The following ANKS1B variants were observed in gnomAD, a reference collection of about 807,000 sequenced individuals.
ANKS1B encodes the protein ankyrin repeat and sterile alpha motif domain containing 1B.
A neutral mutation model predicts 148.3 loss-of-function variants in ANKS1B; 36 were observed. The observed-to-expected ratio is 0.24, with a 90% CI of 0.19 to 0.32. The LOEUF is 0.32. Ranked by LOEUF, ANKS1B falls within the 10% of genes least tolerant of loss-of-function variation. ANKS1B has a pLI of 1.00. For missense variants in ANKS1B, 1,157 were observed against 1,542.6 expected (o/e 0.75, Z 4.19); for synonymous variants, 542 against 560.8 (o/e 0.97, Z 0.47).
In ANKS1B at chr12:99,608,610, AAATGCCAAAGATATCAGGGAGCTC is replaced by A. The variant is rs1435798015; in HGVS notation, c.1272+46433_1272+46456del. 2.0e-5 allele frequency among the ~76,000 whole-genome samples: 3 copies of A among 152,166 alleles called. No individual in the cohort carries two copies. The East Asian group carries it at 5.8e-4, about 29-fold the overall frequency. Reference sequence around the variant, plus strand: ...AGCACAAACTAACCCTTGGTACCCCAAATGCCAAAGATATCAGGGAGCTCAATGCCAAAGAGAACAGAGGTCCAG... The same window carrying A: ...AGCACAAACTAACCCTTGGTACCCCAAATGCCAAAGAGAACAGAGGTCCAG... On this transcript the variant is annotated intron_variant, in intron 9 of 26. Coordinates refer to ENST00000683438, the MANE Select transcript of ANKS1B (RefSeq NM_001352186.2).
Position 99,696,291 on chromosome 12 carries a change from A to C in ANKS1B, c.1129-41081T>G, listed in dbSNP as rs116867104. Among the ~76,000 whole-genome samples the C allele has an allele frequency of 9.9e-3, 1,515 of 152,320 alleles. 11 individuals are homozygous for C. The highest frequency in any genetic ancestry group is 0.016 in the Non-Finnish European group (1,077 of 68,026). Reference sequence around the variant, plus strand: ...TTATGGAGTCTACGATATATTGTTAAGTGAAAAACAAAAGCTTCATATCAT... The same window carrying C: ...TTATGGAGTCTACGATATATTGTTACGTGAAAAACAAAAGCTTCATATCAT... On this transcript the variant is annotated intron_variant, in intron 8 of 26. Coordinates refer to ENST00000683438, the MANE Select transcript of ANKS1B (RefSeq NM_001352186.2).
intron 9 of ANKS1B, among the ~76,000 whole-genome samples, chr12:99,582,956 C>T (rs1044880830): frequency 6.6e-6 from 1 of 151,948 alleles, no homozygotes; most frequent in African/African-American, 2.4e-5. Context: ...AATACCTGTC[C>T]CCCTTTGGTG....
Position 99,399,617 on chromosome 12 carries a change from G to A in ANKS1B, c.1756+14C>T, listed in dbSNP as rs755359639. On this transcript the variant is annotated intron_variant, in intron 12 of 26. Transcript: ENST00000683438. ...TAAAATAAAAATACAGCTGCATAAA[G>A]TGAACTGCTTTACCTGTATGGTTAG... 8 of 1,609,518 alleles carry A rather than the reference G, an allele frequency of 5.0e-6. No homozygotes were observed. The highest frequency in any genetic ancestry group is 5.9e-6 in the Non-Finnish European group (7 of 1,177,642).
chr12:99,193,161 C>A (rs1051219062), intron 14 of ANKS1B, among the ~76,000 whole-genome samples: 1 of 152,186 alleles, frequency 6.6e-6, no homozygotes, highest in African/African-American at 2.4e-5. Context: ...ATTCCTTGTA[C>A]ATAACAGCTA....
At chr12:99,926,736 A>C (rs1321763632) in intron 1 of ANKS1B, among the ~76,000 whole-genome samples, 1 of 152,144 alleles carries the variant, frequency 6.6e-6, no homozygotes, top group Admixed American at 6.5e-5. Flanking sequence ...CCTAATACAC[A>C]CTGCAAATGA....
chr12:99,150,688 T>C (rs1004174940), intron 15 of ANKS1B, among the ~76,000 whole-genome samples: 2 of 151,966 alleles, frequency 1.3e-5, no homozygotes, highest in Non-Finnish European at 2.9e-5. Flanking sequence ...AGCATGCACA[T>C]TTTGTATAGT....
intron 9 of ANKS1B, among the ~76,000 whole-genome samples, chr12:99,510,577 G>A (rs1169322362): frequency 1.3e-5 from 2 of 152,056 alleles, no homozygotes; most frequent in African/African-American, 4.8e-5. Context: ...TTGAATGGAT[G>A]AGGAGTTGCT....
chr12:99,785,473 G>A (rs765377604), intron 4 of ANKS1B, among the ~76,000 whole-genome samples: 3 of 150,336 alleles, frequency 2.0e-5, no homozygotes, highest in Non-Finnish European at 4.4e-5. Context: ...TTGCTCTCTC[G>A]CCCAGGCTGG....
intron 8 of ANKS1B, among the ~76,000 whole-genome samples, chr12:99,695,167 C>A (rs1017485044): frequency 6.6e-6 from 1 of 151,388 alleles, no homozygotes; most frequent in African/African-American, 2.4e-5. Flanking sequence ...TCAGGAAATC[C>A]CTAAATTCAG....
At position 99,553,562 on chromosome 12, in the gene ANKS1B, G is replaced by A. The variant is rs550007862; in HGVS notation, c.1273-48921C>T. Among the ~76,000 whole-genome samples, 20 of 152,260 alleles carry A rather than the reference G, an allele frequency of 1.3e-4. No homozygotes were observed. In the South Asian group the frequency reaches 3.9e-3, roughly 30 times the overall value. On this transcript the variant is annotated intron_variant, in intron 9 of 26. Coordinates refer to ENST00000683438, the MANE Select transcript of ANKS1B (RefSeq NM_001352186.2). The stretch of plus-strand genomic sequence containing the variant: ...TCTGTTTCTACTACTCAACTCTACT[G>A]ATTCAGCATGAAAGCAGTCATAGAC...
chr12:99,645,353 C>T (rs559169280), intron 9 of ANKS1B, among the ~76,000 whole-genome samples: 11 of 152,194 alleles, frequency 7.2e-5, no homozygotes, highest in Non-Finnish European at 1.0e-4. Flanking sequence ...AGCAGTTATA[C>T]GAATAATATC....
chr12:98,886,691 G>T (rs191619162), intron 17 of ANKS1B, among the ~76,000 whole-genome samples: 242 of 152,156 alleles, frequency 1.6e-3, no homozygotes, highest in Non-Finnish European at 2.1e-3. Context: ...GATAAAGAAA[G>T]AATTCCTTGG....
Position 98,745,468 on chromosome 12 carries a change from T to C in ANKS1B, c.*271A>G. ...TGGGGCGGAGTCATCAGAAATACCT[T>C]GGGAGGTGGTGGGGAGGGGAGTCGG... On this transcript the variant is annotated 3_prime_UTR_variant, in exon 27 of 27. Transcript: ENST00000683438. 1 of 1,098,148 alleles carries C rather than the reference T, an allele frequency of 9.1e-7. No individual in the cohort carries two copies. Among genetic ancestry groups the C allele is most frequent in the Non-Finnish European group, 1.1e-6 (1 of 902,724 alleles). 68.0% of individuals were successfully genotyped at this position (1,098,148 alleles called of 1,614,324 possible). A position where few individuals can be genotyped will look rare whatever the true frequency, so the allele number is the denominator to read the frequency against.
chr12:99,633,531 T>C (rs1387125490), intron 9 of ANKS1B, among the ~76,000 whole-genome samples: 1 of 152,048 alleles, frequency 6.6e-6, no homozygotes, highest in Non-Finnish European at 1.5e-5. Flanking sequence ...ACCATAAAAA[T>C]CCTAGAAGAA....
intron 12 of ANKS1B, among the ~76,000 whole-genome samples, chr12:99,286,713 C>T (rs553734181): frequency 3.3e-5 from 5 of 152,264 alleles, no homozygotes; most frequent in Admixed American, 2.6e-4. Flanking sequence ...GCAGCATTCA[C>T]CACAAGCTGA....
chr12:98,754,515 A>G (rs980663060), intron 25 of ANKS1B, among the ~76,000 whole-genome samples: 3 of 152,160 alleles, frequency 2.0e-5, no homozygotes, highest in Non-Finnish European at 4.4e-5. Context: ...GGGGACATGT[A>G]CCAGATATTC....
chr12:98,861,424 T>C (rs1477097509), intron 17 of ANKS1B, among the ~76,000 whole-genome samples: 1 of 152,208 alleles, frequency 6.6e-6, no homozygotes, highest in Non-Finnish European at 1.5e-5. Flanking sequence ...ATTGTTCTAA[T>C]GGCTCCAGAT....
chr12:99,663,685 T>C (rs1191660617), intron 8 of ANKS1B, among the ~76,000 whole-genome samples: 1 of 149,250 alleles, frequency 6.7e-6, no homozygotes, highest in Admixed American at 6.8e-5. Context: ...TTACTATGTA[T>C]GGTGATATTT....
intron 14 of ANKS1B, among the ~76,000 whole-genome samples, chr12:99,184,284 G>T (rs1285355347): frequency 6.6e-6 from 1 of 152,200 alleles, no homozygotes; most frequent in African/African-American, 2.4e-5. Context: ...AAGTTATTGA[G>T]CCATAGACTA....
Sources: gnomAD v4.1 joint callset for allele counts (sites outside exome capture counted in the v4.1 genomes callset) on GRCh38, gnomAD v4.1.1 for gene constraint, MANE v1.5 for transcripts, NCBI Gene and HGNC (gene_info 2026-07-23, HGNC 2026-07-21) for gene names.